ERCC3: variants seen among roughly 807,000 people sequenced by gnomAD.
ERCC3 encodes the protein ERCC excision repair 3, TFIIH core complex helicase subunit.
In ERCC3, 66 loss-of-function variants were observed where a neutral mutation model predicts 94.2. The observed-to-expected ratio is 0.70, with a 90% CI of 0.57 to 0.86. The LOEUF (loss-of-function observed/expected upper bound fraction) is 0.86, where lower values mean the gene tolerates loss of function less well. Among genes scored for constraint, ERCC3 ranks in the 40% least tolerant of loss-of-function variants. The probability of loss-of-function intolerance (pLI) is 0.00; values close to 1 mark genes in which losing one functional copy is unlikely to be tolerated. For missense variants in ERCC3, 829 were observed against 987.1 expected (o/e 0.84, Z 2.15); for synonymous variants, 349 against 369.1 (o/e 0.95, Z 0.63).
At chr2:127,290,505 T>C in intron 3 of ERCC3, 2 of 596,060 alleles carry the variant, frequency 3.4e-6, no homozygotes, top group South Asian at 3.9e-5. Context: ...GCATATCCAT[T>C]AAGTTATAAA....
At chr2:127,293,472 C>T (rs926488291) in intron 2 of ERCC3, 41 bp downstream of exon 2, 2 of 1,578,722 alleles carry the variant, frequency 1.3e-6, no homozygotes, top group Non-Finnish European at 1.7e-6. Context: ...GCTGCCGCTC[C>T]GCACACTCCT....
At position 127,264,189 on chromosome 2, in the gene ERCC3, C is replaced by T. The variant is rs145126188; in HGVS notation, c.1946-2843G>A. 5.9e-3 allele frequency among the ~76,000 whole-genome samples: 898 copies of T among 152,256 alleles called. 8 individuals carry two copies. The highest frequency in any genetic ancestry group is 0.02 in the African/African-American group (845 of 41,546). ...TATCAAAAGCTCTTTCTGGGCTGGG[C>T]GCAGTGGCTCACACCTATAATCCCA... On this transcript the variant is annotated intron_variant, in intron 12 of 14. Transcript: ENST00000285398. This position sits in a 1 kb window ranked among gnomAD's most constrained non-coding sequence, Gnocchi z 4.4.
chr2:127,290,456 C>G lies in ERCC3; in HGVS notation c.472-183G>C. ...AGCTTTTTCCATTGGCCTCTGCTTT[C>G]TGAGAACAAAATCTTCCTCTTGCCT... On this transcript the variant is annotated intron_variant, in intron 3 of 14. Coordinates refer to ENST00000285398, the MANE Select transcript of ERCC3 (RefSeq NM_000122.2). 3 of 663,416 alleles carry G rather than the reference C, an allele frequency of 4.5e-6. No individual in the cohort carries two copies. The South Asian group carries it at 5.1e-5, about 11-fold the overall frequency. 41.1% of individuals were successfully genotyped at this position (663,416 alleles called of 1,614,324 possible).
chr2:127,293,728 A>G lies in ERCC3; in HGVS notation c.29-10T>C, dbSNP rs1685362179. 1.9e-6 allele frequency: 3 copies of G among 1,610,090 alleles called. No homozygotes were observed. The highest frequency in any genetic ancestry group is 2.2e-5 in the East Asian group (1 of 44,896). On this transcript the variant is annotated splice_polypyrimidine_tract_variant and intron_variant, in intron 1 of 14. Coordinates refer to ENST00000285398, the MANE Select transcript of ERCC3 (RefSeq NM_000122.2). Reference sequence around the variant, plus strand: ...CTGGATTTCTTCTTGTCTGCAAGATACCAACACAGAAGTAAGCCCAGCAGG... The same window carrying G: ...CTGGATTTCTTCTTGTCTGCAAGATGCCAACACAGAAGTAAGCCCAGCAGG...
rs952403336 is a variant in ERCC3, at chr2:127,258,824, A to G, written c.2217+472T>C. 1.3e-5 allele frequency among the ~76,000 whole-genome samples: 2 copies of G among 152,208 alleles called. No homozygotes were observed. Among genetic ancestry groups the G allele is most frequent in the African/African-American group, 4.8e-5 (2 of 41,450 alleles). ...AACTCTACATTTTTCAAAGTTAAGT[A>G]TCGAAGCTACCACAAGAGTTGATCC... On this transcript the variant is annotated intron_variant, in intron 14 of 14. Transcript: ENST00000285398. The surrounding 1 kb of genome is among the most constrained non-coding windows in gnomAD (Gnocchi z 4.1).
At chr2:127,264,000 G>A (rs1228370239) in intron 12 of ERCC3, among the ~76,000 whole-genome samples, 2 of 151,372 alleles carry the variant, frequency 1.3e-5, no homozygotes, top group Non-Finnish European at 2.9e-5. Flanking sequence ...AAGAGCCACC[G>A]TGCCCGGCTG....
rs865870332 is a variant in ERCC3, at chr2:127,289,836, G to C, written c.522-12C>G. The C allele has an allele frequency of 6.2e-7, 1 of 1,614,082 alleles. No homozygotes were observed. The highest frequency in any genetic ancestry group is 8.5e-7 in the Non-Finnish European group (1 of 1,179,994). On this transcript the variant is annotated splice_polypyrimidine_tract_variant and intron_variant, in intron 4 of 14. Coordinates refer to ENST00000285398, the MANE Select transcript of ERCC3 (RefSeq NM_000122.2). ...TTTCAACGAAGTATCTGCAAGCAGG[G>C]GAGGAAGAAGGGGTCTACTGACCAG...
At chr2:127,268,295 G>T (rs555907328) in intron 12 of ERCC3, among the ~76,000 whole-genome samples, 1 of 152,016 alleles carries the variant, frequency 6.6e-6, no homozygotes, top group East Asian at 1.9e-4. Context: ...ATCTTGTTCT[G>T]TTGCCCAAGG....
chr2:127,261,667 G>T, intron 12 of ERCC3: 1 of 354,198 alleles, frequency 2.8e-6, no homozygotes, highest in South Asian at 2.4e-5. Context: ...AGAAGAATAT[G>T]AACAGATTAC....
At chr2:127,278,624 G>C (rs1684808009) in intron 10 of ERCC3, among the ~76,000 whole-genome samples, 2 of 152,192 alleles carry the variant, frequency 1.3e-5, no homozygotes, top group African/African-American at 4.8e-5. Flanking sequence ...TGTCACTGTA[G>C]GAGCAAGCGC....
chr2:127,261,798 G>T, intron 12 of ERCC3: 1 of 201,474 alleles, frequency 5.0e-6, no homozygotes, highest in South Asian at 8.6e-5. Flanking sequence ...CCCTCTCCGA[G>T]GATGGCTACA....
Position 127,289,396 on chromosome 2 carries a change from T to C in ERCC3, c.763A>G (p.Met255Val), listed in dbSNP as rs1402080984. Residue 255 changes from methionine (M) to valine (V), a missense_variant, in exon 6 of 15, where the codon ATG becomes GTG. By Grantham distance (21) the Met-to-Val change is conservative (BLOSUM62 1). Transcript: ENST00000285398. ...TCTTCTTCTTCTTCATCCTTGTCCATTTGCTCATAGAAGTCAAACAGGTCC... is the reference window on the plus strand; with the variant it reads ...TCTTCTTCTTCTTCATCCTTGTCCACTTGCTCATAGAAGTCAAACAGGTCC... ...PMDLFDFYEQMDKDEEEEEET... is the reference protein window; with the variant it reads ...PMDLFDFYEQVDKDEEEEEET... 1 of 1,613,626 alleles carries C rather than the reference T, an allele frequency of 6.2e-7. No individual in the cohort carries two copies. The highest frequency in any genetic ancestry group is 8.5e-7 in the Non-Finnish European group (1 of 1,180,022).
At chr2:127,269,833 A>G (rs1332338998) in intron 12 of ERCC3, among the ~76,000 whole-genome samples, 2 of 151,712 alleles carry the variant, frequency 1.3e-5, no homozygotes, top group East Asian at 2.0e-4. Context: ...CCTGGCCAAA[A>G]TGGTGAAACC....
intron 7 of ERCC3, 65 bp downstream of exon 7, chr2:127,288,595 C>T (rs753058336): frequency 1.5e-5 from 20 of 1,347,298 alleles, no homozygotes; most frequent in Admixed American, 1.2e-4. Context: ...AGAGAGAAAG[C>T]GGGAGGCAGC....
chr2:127,281,199 C>G (rs1024612279), intron 8 of ERCC3, among the ~76,000 whole-genome samples: 23 of 152,208 alleles, frequency 1.5e-4, no homozygotes, highest in Admixed American at 3.9e-4. Context: ...AGTTGACAAT[C>G]TAGGGAGAGG....
chr2:127,278,801 C>A (rs1165917357), intron 10 of ERCC3, among the ~76,000 whole-genome samples: 1 of 152,336 alleles, frequency 6.6e-6, no homozygotes, highest in African/African-American at 2.4e-5. Context: ...GCCTTCCCAG[C>A]CCCTAGGCCA....
rs768246711 is a variant in ERCC3 at position 127,259,441 on chromosome 2, G to A, written c.2072C>T (p.Thr691Met). ...TTCCTCCTCCATGCCAGCGAGTTTCGTGATCACCTGCAAAGCCCAAGCCAG... is the reference window on the plus strand; with the variant it reads ...TTCCTCCTCCATGCCAGCGAGTTTCATGATCACCTGCAAAGCCCAAGCCAG... ...VDQGYSFKVI[T>M]KLAGMEEEDL... is the part of the protein sequence containing the mutation. The change falls in exon 14 of 15, where the codon ACG (threonine) becomes ATG (methionine). Residue 691 changes from threonine (T) to methionine (M), a missense_variant. By Grantham distance (81) the Thr-to-Met change is moderately conservative. Transcript: ENST00000285398. The surrounding 1 kb of genome is among the most constrained non-coding windows in gnomAD (Gnocchi z 4.9). 41 of 1,613,966 alleles carry A rather than the reference G, an allele frequency of 2.5e-5. No homozygotes were observed. Among genetic ancestry groups the A allele is most frequent in the East Asian group, 1.6e-4 (7 of 44,894 alleles).
At chr2:127,286,273 G>A (rs530218584) in intron 8 of ERCC3, among the ~76,000 whole-genome samples, 15 of 152,310 alleles carry the variant, frequency 9.8e-5, no homozygotes, top group African/African-American at 2.6e-4. Context: ...ATTACTGGCC[G>A]GGCACGGTGG....
chr2:127,289,512 G>C lies in ERCC3; in HGVS notation c.658-11C>G, dbSNP rs1322969339. Reference sequence around the variant, plus strand: ...AGCAGTCTTAGAAATCTGTGAGAGAGGTAGGTGCTGAACGTGCACACAACA... The same window carrying C: ...AGCAGTCTTAGAAATCTGTGAGAGACGTAGGTGCTGAACGTGCACACAACA... On this transcript the variant is annotated splice_polypyrimidine_tract_variant and intron_variant, in intron 5 of 14. Transcript: ENST00000285398. 1.9e-6 allele frequency: 3 copies of C among 1,612,304 alleles called. No individual in the cohort carries two copies. The highest frequency in any genetic ancestry group is 2.2e-5 in the East Asian group (1 of 44,884).
Sources: gnomAD v4.1 joint callset for allele counts (sites outside exome capture counted in the v4.1 genomes callset) on GRCh38, gnomAD v4.1.1 for gene constraint, Gnocchi (gnomAD v3.1) non-coding constraint, MANE v1.5 for transcripts, NCBI Gene and HGNC (gene_info 2026-07-23, HGNC 2026-07-21) for gene names.